Variants in ABCA12 observed in about 807,000 individuals in gnomAD.
ABCA12 encodes glucosylceramide transporter ABCA12.
A neutral mutation model predicts 293.5 loss-of-function variants in ABCA12; 156 were observed. The observed-to-expected ratio is 0.53, with a 90% CI of 0.47 to 0.61. The LOEUF is 0.61. Ranked by LOEUF, ABCA12 falls within the 20% of genes least tolerant of loss-of-function variation. The pLI, the probability that ABCA12 is intolerant of heterozygous loss-of-function variation, is 0.00. For missense variants in ABCA12, 2,797 were observed against 3,090.2 expected (o/e 0.91, Z 2.25); for synonymous variants, 1,063 against 1,108.0 (o/e 0.96, Z 0.81).
At chr2:214,943,755 A>G (rs1213534753) in intron 49 of ABCA12, among the ~76,000 whole-genome samples, 1 of 152,100 alleles carries the variant, frequency 6.6e-6, no homozygotes, top group Non-Finnish European at 1.5e-5. Context: ...GTACTTGATT[A>G]TACAGTCTCT....
intron 3 of ABCA12, among the ~76,000 whole-genome samples, chr2:215,055,756 T>G (rs1315841080): frequency 6.6e-6 from 1 of 152,028 alleles, no homozygotes; most frequent in East Asian, 1.9e-4. Context: ...TTTTCCAATA[T>G]TCTCCATAAA....
chr2:215,016,305 T>A (rs1280011846), intron 14 of ABCA12, among the ~76,000 whole-genome samples: 1 of 146,668 alleles, frequency 6.8e-6, no homozygotes, highest in Admixed American at 6.8e-5. Context: ...GCTCCCTGGC[T>A]GGGCGCGGTG....
rs1298962385 is a variant in ABCA12, at chr2:214,974,835, A to C, written c.5411T>G (p.Val1804Gly). Residue 1804 changes from valine to glycine, a missense_variant, in exon 35 of 53, where the codon GTC (valine) becomes GGC (glycine). Val to Gly is a moderately radical substitution (Grantham distance 109). Transcript: ENST00000272895. ...TCCAGGGAAGTCCCACATTGCTGAG[A>C]CAAGTGCTTCCGTGCTCGGGTGATA... ...ANYHPSTEAL[V>G]SAMWDFPGID... 6 of 1,614,004 alleles carry C rather than the reference A, an allele frequency of 3.7e-6. No individual in the cohort carries two copies. In the South Asian group the frequency reaches 5.5e-5, roughly 15 times the overall value.
chr2:215,052,628 C>A, intron 4 of ABCA12, 44 bp from the exon 5 acceptor site: 1 of 1,433,082 alleles, frequency 7.0e-7, no homozygotes, highest in Non-Finnish European at 9.8e-7. Context: ...CACACACACA[C>A]ACAAATGCAC....
At chr2:215,040,655 GA>G (rs1701080345) in intron 7 of ABCA12, among the ~76,000 whole-genome samples, 2 of 151,402 alleles carry the variant, frequency 1.3e-5, no homozygotes, top group Admixed American at 1.3e-4. Context: ...CCAAAAATAC[GA>G]AAAAAATTAG....
intron 30 of ABCA12, 65 bp from the exon 31 acceptor site, chr2:214,980,708 A>G: frequency 5.7e-6 from 9 of 1,591,096 alleles, no homozygotes; most frequent in Non-Finnish European, 7.8e-6. Flanking sequence ...AGACACACAG[A>G]GTTGGCCAGA....
At chr2:214,991,204 T>C (rs926786998) in intron 23 of ABCA12, among the ~76,000 whole-genome samples, 173 bp from the exon 24 acceptor site, 9 of 152,212 alleles carry the variant, frequency 5.9e-5, no homozygotes, top group Non-Finnish European at 4.4e-5. Flanking sequence ...AATATGCCTA[T>C]ATACACCAGA....
At chr2:215,090,132 C>T (rs148099778) in intron 2 of ABCA12, among the ~76,000 whole-genome samples, 1 of 152,166 alleles carries the variant, frequency 6.6e-6, no homozygotes, top group Non-Finnish European at 1.5e-5. Flanking sequence ...AAGAGAACAA[C>T]CCCCTTTGAC....
intron 1 of ABCA12, among the ~76,000 whole-genome samples, chr2:215,126,746 A>T (rs1277709092): frequency 4.0e-5 from 6 of 151,862 alleles, no homozygotes; most frequent in Admixed American, 3.3e-4. Flanking sequence ...TCAAAAAACC[A>T]GCTTTTTGTT....
At chr2:214,933,184 A>C (rs1698114099) in intron 52 of ABCA12, among the ~76,000 whole-genome samples, 1 of 152,194 alleles carries the variant, frequency 6.6e-6, no homozygotes, top group South Asian at 2.1e-4. Flanking sequence ...TAAAATTTGT[A>C]TAGAAAGCCC....
intron 1 of ABCA12, among the ~76,000 whole-genome samples, chr2:215,114,998 C>G (rs978991296): frequency 1.3e-5 from 2 of 152,004 alleles, no homozygotes; most frequent in African/African-American, 4.8e-5. Context: ...TGTATGGTTG[C>G]CTTTTGCTTG....
At position 215,012,166 on chromosome 2, in the gene ABCA12, T is replaced by TGAATTTTTTCA. The variant is rs1438631424; in HGVS notation, c.1957-32_1957-31insTGAAAAAATTC. The TGAATTTTTTCA allele has an allele frequency of 6.2e-6, 10 of 1,608,278 alleles. No homozygotes were observed. The Admixed American group carries it at 1.2e-4, about 19-fold the overall frequency. ...AGAAACAGAATAAAAATAAATGCTT[T>TGAATTTTTTCA]ATGTGGAAAAATTGAATCCTCATGC... On this transcript the variant is annotated intron_variant, in intron 15 of 52. Coordinates refer to ENST00000272895, the MANE Select transcript of ABCA12 (RefSeq NM_173076.3).
intron 2 of ABCA12, among the ~76,000 whole-genome samples, chr2:215,094,814 C>T (rs1049557842): frequency 2.6e-5 from 4 of 152,164 alleles, no homozygotes; most frequent in Admixed American, 2.6e-4. Flanking sequence ...ATTACAACCT[C>T]TAACAGCTGC....
At position 215,054,619 on chromosome 2, in the gene ABCA12, T is replaced by C. The variant is rs1248723080; in HGVS notation, c.363A>G (p.Leu121=). Residue 121 remains leucine, a synonymous_variant, in exon 4 of 53, where the codon TTA becomes TTG. Transcript: ENST00000272895. ...CTGGAACTTGGGTGCTCTGGAATGA[T>C]AAACTGCTGTCCTTATCCAGGTTGG... is the stretch of plus-strand genomic sequence containing the variant. ...KSSNLDKDSS[L]SFQSTQVPER... is the part of the protein sequence containing the mutation. 3 of 1,612,168 alleles carry C rather than the reference T, an allele frequency of 1.9e-6. No homozygotes were observed. Among genetic ancestry groups the C allele is most frequent in the East Asian group, 2.2e-5 (1 of 44,824 alleles).
At chr2:214,973,713 C>T (rs1199129836) in intron 36 of ABCA12, among the ~76,000 whole-genome samples, 1 of 152,046 alleles carries the variant, frequency 6.6e-6, no homozygotes, top group Non-Finnish European at 1.5e-5. Flanking sequence ...GGTTGGTTTC[C>T]ACAAAGACCA....
chr2:215,102,365 G>A (rs992003293), intron 2 of ABCA12, among the ~76,000 whole-genome samples: 3 of 152,182 alleles, frequency 2.0e-5, no homozygotes, highest in Non-Finnish European at 4.4e-5. Context: ...TTGGGAGGCC[G>A]AGGTGGGTGA....
At chr2:215,008,150 C>G (rs1051813916) in intron 18 of ABCA12, among the ~76,000 whole-genome samples, 6 of 152,158 alleles carry the variant, frequency 3.9e-5, no homozygotes, top group African/African-American at 1.4e-4. Context: ...TCACCAACGA[C>G]ACACTTAACT....
chr2:215,027,078 C>T, intron 9 of ABCA12, 140 bp from the exon 10 acceptor site: 1 of 640,716 alleles, frequency 1.6e-6, no homozygotes, highest in South Asian at 1.7e-5. Flanking sequence ...GGCGCGGTGG[C>T]TCACGCCTGT....
At chr2:215,072,303 G>A (rs868596941) in intron 2 of ABCA12, among the ~76,000 whole-genome samples, 13 of 152,064 alleles carry the variant, frequency 8.5e-5, no homozygotes, top group African/African-American at 3.1e-4. Flanking sequence ...GTGTCCCTAT[G>A]GATAGGACAT....
Sources: gnomAD v4.1 joint callset for allele counts (sites outside exome capture counted in the v4.1 genomes callset) on GRCh38, gnomAD v4.1.1 for gene constraint, MANE v1.5 for transcripts, NCBI Gene and HGNC (gene_info 2026-07-23, HGNC 2026-07-21) for gene names.